Variants in CDH4 observed in about 807,000 individuals in gnomAD.
The protein encoded by CDH4 is cadherin-4.
CDH4 carries 33 observed loss-of-function variants against 86.0 expected under a neutral mutation model. The ratio of observed to expected loss-of-function variants is 0.38; its 90% CI spans 0.29 to 0.51. CDH4 has a LOEUF of 0.51. CDH4 is among the 20% of genes least tolerant of loss of function. CDH4 has a pLI of 0.86. For missense variants in CDH4, 1,114 were observed against 1,307.4 expected, an observed-to-expected ratio of 0.85 and a Z score of 2.28; for synonymous variants, 555 against 549.4, an observed-to-expected ratio of 1.01 and a Z score of -0.14.
At chr20:61,795,851 A>ATGAATGAGTGAG (rs1555839797) in intron 4 of CDH4, among the ~76,000 whole-genome samples, 4 of 151,522 alleles carry the variant, frequency 2.6e-5, no homozygotes, top group Admixed American at 6.6e-5. Flanking sequence ...GAATGAGTGA[A>ATGAATGAGTGAG]TGAATGAATG....
intron 2 of CDH4, among the ~76,000 whole-genome samples, chr20:61,432,067 T>C (rs1283939953): frequency 6.6e-6 from 1 of 152,220 alleles, no homozygotes; most frequent in Non-Finnish European, 1.5e-5. Context: ...CTGAGCTGTT[T>C]CTTTGTTTTT....
At chr20:61,562,580 A>AC (rs1312312922) in intron 2 of CDH4, among the ~76,000 whole-genome samples, 1 of 152,160 alleles carries the variant, frequency 6.6e-6, no homozygotes, top group Non-Finnish European at 1.5e-5. Context: ...GCAGGATCTG[A>AC]GCACAGAACG....
chr20:61,653,873 C>G (rs1279102802), intron 2 of CDH4, among the ~76,000 whole-genome samples: 2 of 137,316 alleles, frequency 1.5e-5, no homozygotes, highest in African/African-American at 2.6e-5. Context: ...GGATGGCGGC[C>G]GGGCAGAGAC....
chr20:61,793,903 C>T (rs1246042722), intron 4 of CDH4, among the ~76,000 whole-genome samples: 2 of 149,968 alleles, frequency 1.3e-5, no homozygotes, highest in African/African-American at 4.9e-5. Context: ...CTTTGGGAGG[C>T]CAAGGCGGGT....
At chr20:61,849,807 C>T (rs118036041) in intron 5 of CDH4, among the ~76,000 whole-genome samples, 2,732 of 152,326 alleles carry the variant, frequency 0.018, 32 homozygotes, top group Middle Eastern at 0.031. Flanking sequence ...CTTTCGAAGG[C>T]CCATGTGGTT....
At chr20:61,310,739 T>C (rs79020622) in intron 2 of CDH4, among the ~76,000 whole-genome samples, 2,159 of 152,222 alleles carry the variant, frequency 0.014, 41 homozygotes, top group African/African-American at 0.05. Flanking sequence ...TTGGCAGGGT[T>C]GGGTTTTCCT....
At position 61,429,877 on chromosome 20, in the gene CDH4, G is replaced by A. The variant is rs367614054; in HGVS notation, c.169+174940G>A. On this transcript the variant is annotated intron_variant, in intron 2 of 15. Coordinates refer to ENST00000614565, the MANE Select transcript of CDH4 (RefSeq NM_001794.5). ...TGGGTGGGTAGGATTTTCAAAAAGC[G>A]CTACATCTGTAGCCTTCCTCTGGCT... Among the ~76,000 whole-genome samples the A allele has an allele frequency of 4.8e-4, 73 of 152,328 alleles. 1 individual carries two copies. Among genetic ancestry groups the A allele is most frequent in the South Asian group, 4.1e-4 (2 of 4,830 alleles).
intron 2 of CDH4, among the ~76,000 whole-genome samples, chr20:61,470,718 C>T (rs2085497158): frequency 6.6e-6 from 1 of 151,808 alleles, no homozygotes; most frequent in Admixed American, 6.6e-5. Context: ...TCTTATATAC[C>T]AAGTGTTTAT....
At chr20:61,277,125 T>G (rs903861761) in intron 2 of CDH4, among the ~76,000 whole-genome samples, 2 of 152,196 alleles carry the variant, frequency 1.3e-5, no homozygotes, top group Admixed American at 1.3e-4. Flanking sequence ...ATGTGTTCCT[T>G]TGTTTTGGCT....
intron 9 of CDH4, among the ~76,000 whole-genome samples, chr20:61,919,767 CGTG>C (rs1445029265): frequency 2.6e-5 from 4 of 151,452 alleles, no homozygotes; most frequent in Middle Eastern, 3.4e-3. Flanking sequence ...TGCGTGGAAG[CGTG>C]GTGTCGCGGT....
chr20:61,282,569 G>GTCTATCTGTACT (rs1355357962), intron 2 of CDH4, among the ~76,000 whole-genome samples: 1 of 151,684 alleles, frequency 6.6e-6, no homozygotes, highest in East Asian at 1.9e-4. Flanking sequence ...GTGTGTGTGT[G>GTCTATCTGTACT]TGTATGTCTA....
chr20:61,934,132 TGG>T lies in CDH4; in HGVS notation c.2457_2458del (p.Asp820Ter). On this transcript the variant is annotated frameshift_variant, in exon 15 of 16. Transcript: ENST00000614565. LOFTEE classifies it high-confidence loss of function. Reference sequence around the variant, plus strand: ...AGCAAAGCCCCTGGCGTGCGTCGCGTGGATGAGCGGCCGGTGGGCGCTGAGCC... The same window carrying T: ...AGCAAAGCCCCTGGCGTGCGTCGCGTATGAGCGGCCGGTGGGCGCTGAGCC... The T allele has an allele frequency of 6.2e-7, 1 of 1,611,238 alleles. No homozygotes were observed. The highest frequency in any genetic ancestry group is 8.5e-7 in the Non-Finnish European group (1 of 1,179,318).
In CDH4 at chr20:61,252,596, C is replaced by A. The variant is rs1315970458; in HGVS notation, c.57+26C>A. 16 of 1,197,282 alleles carry A rather than the reference C, an allele frequency of 1.3e-5. No individual in the cohort carries two copies. Among genetic ancestry groups the A allele is most frequent in the Non-Finnish European group, 1.7e-5 (16 of 963,964 alleles). 74.2% of individuals were successfully genotyped at this position (1,197,282 alleles called of 1,614,324 possible). On this transcript the variant is annotated intron_variant, in intron 1 of 15. Coordinates refer to ENST00000614565, the MANE Select transcript of CDH4 (RefSeq NM_001794.5). The surrounding 1 kb of genome is among the most constrained non-coding windows in gnomAD (Gnocchi z 4.4). ...GTAAGTTGCCGCCTCCCGCCCCCGC[C>A]GTTCGGAAGCCCCGGGCAGCGGGAG...
intron 2 of CDH4, among the ~76,000 whole-genome samples, chr20:61,543,018 T>C (rs748620593): frequency 6.6e-6 from 1 of 152,256 alleles, no homozygotes; most frequent in Non-Finnish European, 1.5e-5. Context: ...TGGAGTCTGA[T>C]GTTCCAGGGC....
intron 2 of CDH4, among the ~76,000 whole-genome samples, chr20:61,633,903 G>A (rs370900844): frequency 5.3e-5 from 8 of 152,266 alleles, no homozygotes; most frequent in South Asian, 2.1e-4. Context: ...TCAGAAACAC[G>A]AGGGCTTTCT....
chr20:61,773,583 G>A (rs1380507040), intron 4 of CDH4, among the ~76,000 whole-genome samples: 1 of 152,200 alleles, frequency 6.6e-6, no homozygotes, highest in Non-Finnish European at 1.5e-5. Context: ...GCCAGCGTGC[G>A]CCGTGCCGCG....
At chr20:61,792,959 T>TTTTG (rs1250873702) in intron 4 of CDH4, among the ~76,000 whole-genome samples, 19 of 148,484 alleles carry the variant, frequency 1.3e-4, no homozygotes, top group Non-Finnish European at 1.8e-4. Flanking sequence ...TATGTGTTTT[T>TTTTG]TTTGTTTTTG....
At chr20:61,842,246 G>A (rs763744351) in intron 4 of CDH4, among the ~76,000 whole-genome samples, 10 of 152,312 alleles carry the variant, frequency 6.6e-5, no homozygotes, top group Middle Eastern at 3.4e-3. Flanking sequence ...AAGGAGGCTT[G>A]GAAGTCACTG....
intron 4 of CDH4, among the ~76,000 whole-genome samples, chr20:61,782,796 C>G (rs927796124): frequency 2.0e-5 from 3 of 152,120 alleles, no homozygotes; most frequent in African/African-American, 7.2e-5. Flanking sequence ...AAATGAATTT[C>G]TTTAAGGCTG....
Sources: allele counts gnomAD v4.1 joint callset (sites outside exome capture counted in the v4.1 genomes callset), GRCh38; gene constraint gnomAD v4.1.1; non-coding constraint Gnocchi (gnomAD v3.1); transcripts MANE v1.5; gene names NCBI Gene and HGNC (gene_info 2026-07-23, HGNC 2026-07-21).